Variants in DNMBP observed in about 807,000 individuals in gnomAD.
DNMBP encodes the protein dynamin binding protein, also known as dynamin-binding protein.
A neutral mutation model predicts 150.0 loss-of-function variants in DNMBP; 87 were observed. The ratio of observed to expected loss-of-function variants is 0.58; its 90% CI spans 0.49 to 0.69. The LOEUF (loss-of-function observed/expected upper bound fraction) is 0.69. DNMBP is among the 30% of genes least tolerant of loss of function. The probability of loss-of-function intolerance (pLI) is 0.00; values close to 1 mark genes in which losing one functional copy is unlikely to be tolerated. For missense variants in DNMBP, 1,774 were observed against 1,949.0 expected, an observed-to-expected ratio of 0.91 and a Z score of 1.69; for synonymous variants, 711 against 750.4, an observed-to-expected ratio of 0.95 and a Z score of 0.86.
chr10:99,879,448 C>G (rs1254373391), intron 16 of DNMBP, among the ~76,000 whole-genome samples: 1 of 151,594 alleles, frequency 6.6e-6, no homozygotes, highest in African/African-American at 2.4e-5. Flanking sequence ...TCCTGGGTGA[C>G]AAACTCCTCA....
chr10:99,955,086 G>T, intron 4 of DNMBP, 128 bp downstream of exon 4: 1 of 776,896 alleles, frequency 1.3e-6, no homozygotes, highest in East Asian at 2.6e-5. Context: ...AAAGAAATTA[G>T]GTAATGAAAA....
chr10:99,959,723 G>C (rs904071659), intron 3 of DNMBP, among the ~76,000 whole-genome samples: 14 of 151,746 alleles, frequency 9.2e-5, no homozygotes, highest in African/African-American at 3.1e-4. Context: ...CGGTGTGGTG[G>C]TGAGCGCTAT....
chr10:99,986,010 T>G (rs925952928), intron 1 of DNMBP, among the ~76,000 whole-genome samples: 1 of 152,108 alleles, frequency 6.6e-6, no homozygotes, highest in African/African-American at 2.4e-5. Flanking sequence ...CTCGCCCTCT[T>G]GAAGTGCTGG....
intron 11 of DNMBP, chr10:99,889,203 C>G (rs1192312341): frequency 2.1e-5 from 8 of 380,548 alleles, no homozygotes; most frequent in Non-Finnish European, 2.9e-5. Context: ...TAGCATTCCC[C>G]TATGTCCCTA....
intron 1 of DNMBP, among the ~76,000 whole-genome samples, chr10:100,001,660 G>A (rs369687257): frequency 2.5e-4 from 38 of 152,256 alleles, no homozygotes; most frequent in South Asian, 2.3e-3. Context: ...TGATCCGCCC[G>A]CCTTGGCCTA....
chr10:99,899,866 T>TA (rs2039713427), intron 7 of DNMBP, 53 bp downstream of exon 7: 6 of 1,594,878 alleles, frequency 3.8e-6, no homozygotes, highest in Middle Eastern at 3.3e-4. Context: ...TACACAGGTA[T>TA]AACTTAGAGA....
chr10:99,989,054 A>G (rs2040858377), intron 1 of DNMBP, among the ~76,000 whole-genome samples: 1 of 152,228 alleles, frequency 6.6e-6, no homozygotes, highest in Admixed American at 6.5e-5. Context: ...ACGCTAGTAG[A>G]CAGAACTGCT....
chr10:99,902,504 T>G (rs565678532), intron 6 of DNMBP, among the ~76,000 whole-genome samples: 1 of 149,926 alleles, frequency 6.7e-6, no homozygotes, highest in Non-Finnish European at 1.5e-5. Flanking sequence ...GAGACAGGGT[T>G]ACACCATGTT....
rs7922111 is a variant in DNMBP, at chr10:99,931,758, C to T, written c.2261-22612G>A. On this transcript the variant is annotated intron_variant, in intron 4 of 16. Transcript: ENST00000324109. Reference sequence around the variant, plus strand: ...CAGAAAAAGACAAACAAATTAGTCCCTGCCTCTTACAATGCAGAAGCAACA... The same window carrying T: ...CAGAAAAAGACAAACAAATTAGTCCTTGCCTCTTACAATGCAGAAGCAACA... Among the ~76,000 whole-genome samples, 666 of 152,340 alleles carry T rather than the reference C, an allele frequency of 4.4e-3. 3 individuals are homozygous for T. The highest frequency in any genetic ancestry group is 0.016 in the African/African-American group (650 of 41,576).
chr10:99,884,521 GTCT>G (rs1349705681), intron 14 of DNMBP, among the ~76,000 whole-genome samples: 1 of 152,008 alleles, frequency 6.6e-6, no homozygotes, highest in African/African-American at 2.4e-5. Context: ...ATATTAGTAG[GTCT>G]TCTTGTATTT....
chr10:100,004,089 A>AG (rs2041044204), intron 1 of DNMBP, among the ~76,000 whole-genome samples: 1 of 150,060 alleles, frequency 6.7e-6, no homozygotes, highest in African/African-American at 2.4e-5. Flanking sequence ...AAAAAAAAAA[A>AG]GAAAAATTAG....
chr10:99,889,704 CCAAA>C (rs767573256), intron 11 of DNMBP, among the ~76,000 whole-genome samples: 2 of 151,866 alleles, frequency 1.3e-5, no homozygotes, highest in Non-Finnish European at 2.9e-5. Flanking sequence ...GGGCTGTAAC[CCAAA>C]CAAACTAAAT....
chr10:99,884,477 A>G (rs192163747), intron 14 of DNMBP, among the ~76,000 whole-genome samples: 65 of 152,302 alleles, frequency 4.3e-4, no homozygotes, highest in African/African-American at 1.5e-3. Context: ...ACGTGATTAA[A>G]ATGCCACTTA....
chr10:99,915,108 A>AAAAAAAAAT (rs10654940), intron 4 of DNMBP, among the ~76,000 whole-genome samples: 8 of 99,800 alleles, frequency 8.0e-5, no homozygotes, highest in Admixed American at 2.5e-4. Flanking sequence ...AAAAAAAAAA[A>AAAAAAAAAT]ATATATATAT....
In DNMBP at chr10:99,956,506, G is replaced by T. The variant is rs144945375; in HGVS notation, c.968C>A (p.Thr323Asn). 1.2e-6 allele frequency: 2 copies of T among 1,614,112 alleles called. No homozygotes were observed. Among genetic ancestry groups the T allele is most frequent in the Non-Finnish European group, 1.7e-6 (2 of 1,180,034 alleles). Residue 323 changes from threonine to asparagine, a missense_variant, in exon 4 of 17, where the codon ACT (threonine) becomes AAT (asparagine). Thr to Asn is a moderately conservative substitution (Grantham distance 65). Around this residue, in one of 2 missense-constraint regions of DNMBP, gnomAD observed 344 missense variants for 456.6 expected, o/e 0.75. Coordinates refer to ENST00000324109, the MANE Select transcript of DNMBP (RefSeq NM_015221.4). ...GGTGTTCTCCAAACAATCCAAAGAA[G>T]TTTCCGGGATCCTGGCAAGGCTGCC... ...QEGSLARIPE[T>N]SLDCLENTLG... is the part of the protein sequence containing the mutation.
chr10:99,894,166 C>A (rs2039617894), intron 11 of DNMBP, among the ~76,000 whole-genome samples: 1 of 152,050 alleles, frequency 6.6e-6, no homozygotes, highest in South Asian at 2.1e-4. Flanking sequence ...GTGGTCCCAG[C>A]CACTGAGGTG....
chr10:99,961,344 G>A (rs373010882), intron 3 of DNMBP, among the ~76,000 whole-genome samples: 1 of 124,968 alleles, frequency 8.0e-6, no homozygotes, highest in South Asian at 3.1e-4. Flanking sequence ...GTGCAATCAT[G>A]GCTTACTGCA....
intron 11 of DNMBP, among the ~76,000 whole-genome samples, chr10:99,890,262 C>T (rs1036504150): frequency 2.0e-5 from 3 of 152,134 alleles, no homozygotes; most frequent in Non-Finnish European, 4.4e-5. Context: ...AATGTAGATA[C>T]CAAATTATCC....
In DNMBP at chr10:99,880,380, A is replaced by G; in HGVS notation, c.3998-19T>C. On this transcript the variant is annotated intron_variant, in intron 15 of 16. Transcript: ENST00000324109. Reference sequence around the variant, plus strand: ...TTGGTGACTACAAAGGAAACAGGAAATATAAACAAGAACTCTTAGCAGAAG... The same window carrying G: ...TTGGTGACTACAAAGGAAACAGGAAGTATAAACAAGAACTCTTAGCAGAAG... 6.5e-7 allele frequency: 1 copy of G among 1,542,400 alleles called. No individual in the cohort carries two copies. Among genetic ancestry groups the G allele is most frequent in the Non-Finnish European group, 8.7e-7 (1 of 1,149,378 alleles).
Sources: gnomAD v4.1 joint callset for allele counts (sites outside exome capture counted in the v4.1 genomes callset) on GRCh38, gnomAD v4.1.1 for gene constraint, gnomAD v4.1.1 regional missense constraint, MANE v1.5 for transcripts, NCBI Gene and HGNC (gene_info 2026-07-23, HGNC 2026-07-21) for gene names.